Variants in COL7A1 observed in about 807,000 individuals in gnomAD.
The protein encoded by COL7A1 is collagen type VII alpha 1 chain, also known as collagen alpha-1(VII) chain.
COL7A1 carries 296 observed loss-of-function variants against 456.2 expected under a neutral mutation model. The ratio of observed to expected loss-of-function variants is 0.65; its 90% CI spans 0.59 to 0.71. The LOEUF (loss-of-function observed/expected upper bound fraction) is 0.71, where lower values mean the gene tolerates loss of function less well. COL7A1 is among the 30% of genes least tolerant of loss of function. The probability of loss-of-function intolerance (pLI) is 0.00; values close to 1 mark genes in which losing one functional copy is unlikely to be tolerated. For missense variants in COL7A1, 3,441 were observed against 4,017.2 expected, an observed-to-expected ratio of 0.86 and a Z score of 3.88; for synonymous variants, 1,464 against 1,525.9, an observed-to-expected ratio of 0.96 and a Z score of 0.95.
chr3:48,572,291 G>T lies in COL7A1; in HGVS notation c.6978+89C>A. ...ACTATGAAAGCTGAGGGTCATGAGG[G>T]TGGGTAAACTATGGGTCGAAGGTCA... On this transcript the variant is annotated intron_variant, in intron 90 of 118. Coordinates refer to ENST00000681320, the MANE Select transcript of COL7A1 (RefSeq NM_000094.4). The surrounding 1 kb of genome is among the most constrained non-coding windows in gnomAD (Gnocchi z 4.6). The T allele has an allele frequency of 6.2e-7, 1 of 1,611,514 alleles. No individual in the cohort carries two copies. Among genetic ancestry groups the T allele is most frequent in the South Asian group, 1.1e-5 (1 of 91,024 alleles).
rs765667654 is a variant in COL7A1 at position 48,573,825 on chromosome 3, C to G, written c.6537+30G>C. 2 of 1,613,996 alleles carry G rather than the reference C, an allele frequency of 1.2e-6. No individual in the cohort carries two copies. The highest frequency in any genetic ancestry group is 1.7e-6 in the Non-Finnish European group (2 of 1,179,988). ...ACTGGGGCAGGGCACAGGATGGGGG[C>G]AAGACAGGTGAAGGTTCTTGGGTAC... On this transcript the variant is annotated intron_variant, in intron 81 of 118. Coordinates refer to ENST00000681320, the MANE Select transcript of COL7A1 (RefSeq NM_000094.4). This position sits in a 1 kb window ranked among gnomAD's most constrained non-coding sequence, Gnocchi z 5.5.
chr3:48,578,323 T>C lies in COL7A1; in HGVS notation c.5530A>G (p.Asn1844Asp), dbSNP rs1464839884. 5 of 1,612,568 alleles carry C rather than the reference T, an allele frequency of 3.1e-6. No homozygotes were observed. The Admixed American group carries it at 8.3e-5, about 27-fold the overall frequency. Residue 1844 changes from asparagine to aspartate, a missense_variant and splice_region_variant, in exon 65 of 119, where the codon AAC (asparagine) becomes GAC (aspartate). Physicochemically the swap from Asn to Asp is conservative, Grantham distance 23. Around this residue, in one of 3 missense-constraint regions of COL7A1, gnomAD observed 2,084 missense variants for 2,501.3 expected, o/e 0.83. Transcript: ENST00000681320. The surrounding 1 kb of genome is among the most constrained non-coding windows in gnomAD (Gnocchi z 4.7). ...EDGKPGLNGK[N>D]GEPGDPGEDG... ...GCAGCTGCCCTGGACACACTCACGT[T>C]TTTTCCATTCAGGCCAGGTTTGCCA...
rs1312766377 is a variant in COL7A1, at chr3:48,574,520, C to T, written c.6424G>A (p.Glu2142Lys). 1 of 1,613,948 alleles carries T rather than the reference C, an allele frequency of 6.2e-7. No individual in the cohort carries two copies. Among genetic ancestry groups the T allele is most frequent in the African/African-American group, 1.3e-5 (1 of 74,930 alleles). The change falls in exon 79 of 119, where the codon GAG (glutamate) becomes AAG (lysine). Residue 2142 changes from glutamate (E) to lysine (K), a missense_variant. Glu to Lys is a moderately conservative substitution (Grantham distance 56). Coordinates refer to ENST00000681320, the MANE Select transcript of COL7A1 (RefSeq NM_000094.4). The surrounding 1 kb of genome is among the most constrained non-coding windows in gnomAD (Gnocchi z 5.0). ...CCGTCCTGACCCCTCGGTCCAGGCT[C>T]TCCCCGGTCTCCTTTGATGCCTGGC... is the stretch of plus-strand genomic sequence containing the variant. ...GVPGIKGDRG[E>K]PGPRGQDGNP...
chr3:48,595,235 C>A, intron 1 of COL7A1, 33 bp downstream of exon 1: 4 of 1,257,804 alleles, frequency 3.2e-6, no homozygotes, highest in Non-Finnish European at 3.4e-6. Flanking sequence ...AGGTCCGAGC[C>A]CAGCGCCCCT....
Position 48,571,932 on chromosome 3 carries a change from G to T in COL7A1, c.7068+69C>A. On this transcript the variant is annotated intron_variant, in intron 92 of 118. Coordinates refer to ENST00000681320, the MANE Select transcript of COL7A1 (RefSeq NM_000094.4). The surrounding 1 kb of genome is among the most constrained non-coding windows in gnomAD (Gnocchi z 4.6). Reference sequence around the variant, plus strand: ...GGCTCAGACATGTGCCCCGGCCCAAGAGTGGCCCCTTATGCCCGCCATCAC... The same window carrying T: ...GGCTCAGACATGTGCCCCGGCCCAATAGTGGCCCCTTATGCCCGCCATCAC... The T allele has an allele frequency of 1.3e-6, 2 of 1,575,866 alleles. No individual in the cohort carries two copies. The highest frequency in any genetic ancestry group is 1.1e-5 in the South Asian group (1 of 87,734).
At chr3:48,595,222 G>A (rs2046000604) in intron 1 of COL7A1, 46 bp downstream of exon 1, 1 of 1,416,598 alleles carries the variant, frequency 7.1e-7, no homozygotes, top group Admixed American at 2.0e-5. Context: ...CCGTGGCCTT[G>A]GCAGGTCCGA....
Position 48,580,917 on chromosome 3 carries a change from C to A in COL7A1, c.4945G>T (p.Gly1649Cys). The change falls in exon 54 of 119, where the codon GGT becomes TGT. Residue 1649 changes from glycine (G) to cysteine (C), a missense_variant. By Grantham distance (159) the Gly-to-Cys change is radical. Transcript: ENST00000681320. The surrounding 1 kb of genome is among the most constrained non-coding windows in gnomAD (Gnocchi z 4.5). ...KGDEGPPGDPGLPGKAGERGL... is the reference protein window; with the variant it reads ...KGDEGPPGDPCLPGKAGERGL... ...CGCTCGCCTGCTTTTCCAGGCAAAC[C>A]CGGGTCACCCTGGTGATAGAGAGAA... The A allele has an allele frequency of 6.2e-7, 1 of 1,614,078 alleles. No homozygotes were observed. The highest frequency in any genetic ancestry group is 1.1e-5 in the South Asian group (1 of 91,072).
chr3:48,571,379 G>T lies in COL7A1; in HGVS notation c.7069-101C>A. 1 of 1,405,144 alleles carries T rather than the reference G, an allele frequency of 7.1e-7. No individual in the cohort carries two copies. Among genetic ancestry groups the T allele is most frequent in the Non-Finnish European group, 1.0e-6 (1 of 1,000,114 alleles). 87.0% of individuals were successfully genotyped at this position (1,405,144 alleles called of 1,614,324 possible). A position where few individuals can be genotyped will look rare whatever the true frequency, so the allele number is the denominator to read the frequency against. The stretch of plus-strand genomic sequence containing the variant: ...CCCAGGGGAGTTCTGATGTGACCAT[G>T]AACACATGGGAACTCAGACATGCGA... On this transcript the variant is annotated intron_variant, in intron 92 of 118. Transcript: ENST00000681320. The surrounding 1 kb of genome is among the most constrained non-coding windows in gnomAD (Gnocchi z 4.6).
chr3:48,595,192 C>T (rs1364887089), intron 1 of COL7A1, 32 bp from the exon 2 acceptor site: 15 of 1,530,536 alleles, frequency 9.8e-6, no homozygotes, highest in Admixed American at 2.0e-5. Flanking sequence ...CTAGGACCCC[C>T]GCCTCTGTCC....
Position 48,572,696 on chromosome 3 carries a change from G to C in COL7A1, c.6875C>G (p.Pro2292Arg), listed in dbSNP as rs898837956. ...CTGTCCAGGGGCCCCCGTGGGGCCA[G>C]GTTCTCCTTTAGGTCCGACAGGGCC... ...LPGPVGPKGE[P>R]GPTGAPGQAV... Residue 2292 changes from proline (P) to arginine (R), a missense_variant, in exon 88 of 119, where the codon CCT becomes CGT. Coordinates refer to ENST00000681320, the MANE Select transcript of COL7A1 (RefSeq NM_000094.4). This position sits in a 1 kb window ranked among gnomAD's most constrained non-coding sequence, Gnocchi z 4.6. The C allele has an allele frequency of 1.9e-6, 3 of 1,607,616 alleles. No homozygotes were observed. Among genetic ancestry groups the C allele is most frequent in the Non-Finnish European group, 8.5e-7 (1 of 1,177,142 alleles).
chr3:48,564,125 C>T lies in COL7A1; in HGVS notation c.*281G>A. On this transcript the variant is annotated 3_prime_UTR_variant, in exon 119 of 119. Transcript: ENST00000681320. The surrounding 1 kb of genome is among the most constrained non-coding windows in gnomAD (Gnocchi z 6.0). Reference sequence around the variant, plus strand: ...CCCCAGAATCAGCACCATGTCATCACAGGCTTGGGTCAAGGGGCGGGTCAG... The same window carrying T: ...CCCCAGAATCAGCACCATGTCATCATAGGCTTGGGTCAAGGGGCGGGTCAG... The T allele has an allele frequency of 1.8e-6, 1 of 548,368 alleles. No individual in the cohort carries two copies. Among genetic ancestry groups the T allele is most frequent in the Admixed American group, 3.0e-5 (1 of 33,660 alleles). 34.0% of individuals were successfully genotyped at this position (548,368 alleles called of 1,614,324 possible). A position where few individuals can be genotyped will look rare whatever the true frequency, so the allele number is the denominator to read the frequency against.
chr3:48,579,186 C>T lies in COL7A1; in HGVS notation c.5388+11G>A. On this transcript the variant is annotated intron_variant, in intron 62 of 118. Coordinates refer to ENST00000681320, the MANE Select transcript of COL7A1 (RefSeq NM_000094.4). This position sits in a 1 kb window ranked among gnomAD's most constrained non-coding sequence, Gnocchi z 4.4. The stretch of plus-strand genomic sequence containing the variant: ...GGAAGGGGACAACCAGGCAGGACTA[C>T]CAAGACTCACATTCGGCCCAGAGGG... 4 of 1,612,984 alleles carry T rather than the reference C, an allele frequency of 2.5e-6. No individual in the cohort carries two copies. The highest frequency in any genetic ancestry group is 2.5e-6 in the Non-Finnish European group (3 of 1,179,972).
rs372918810 is a variant in COL7A1 at position 48,593,553 on chromosome 3, C to T, written c.410G>A (p.Arg137Gln). 6.2e-5 allele frequency: 100 copies of T among 1,614,148 alleles called. 2 individuals carry two copies. The South Asian group carries it at 7.5e-4, about 12-fold the overall frequency. Reference sequence around the variant, plus strand: ...AGGGATCACCTTGGGGACACCAGGTCGGGCCAGCTGGGGCAGGAAGACATG... The same window carrying T: ...AGGGATCACCTTGGGGACACCAGGTTGGGCCAGCTGGGGCAGGAAGACATG... ...ADHVFLPQLARPGVPKVCILI... is the reference protein window; with the variant it reads ...ADHVFLPQLAQPGVPKVCILI... Residue 137 changes from arginine (R) to glutamine (Q), a missense_variant, in exon 4 of 119, where the codon CGA (arginine) becomes CAA (glutamine). This residue lies in a region of COL7A1 where 913 missense variants were observed against 1,088.2 expected (regional missense o/e 0.84). Coordinates refer to ENST00000681320, the MANE Select transcript of COL7A1 (RefSeq NM_000094.4). This position sits in a 1 kb window ranked among gnomAD's most constrained non-coding sequence, Gnocchi z 4.4.
At chr3:48,584,173 G>A in intron 37 of COL7A1, 112 bp from the exon 38 acceptor site, 2 of 1,584,438 alleles carry the variant, frequency 1.3e-6, no homozygotes, top group Middle Eastern at 1.7e-4. Flanking sequence ...TGGGAGAACT[G>A]AGGCGTCATG....
chr3:48,574,199 A>G lies in COL7A1; in HGVS notation c.6501+63T>C. The G allele has an allele frequency of 1.3e-6, 2 of 1,561,458 alleles. No individual in the cohort carries two copies. Among genetic ancestry groups the G allele is most frequent in the Non-Finnish European group, 1.8e-6 (2 of 1,134,638 alleles). On this transcript the variant is annotated intron_variant, in intron 80 of 118. Coordinates refer to ENST00000681320, the MANE Select transcript of COL7A1 (RefSeq NM_000094.4). The surrounding 1 kb of genome is among the most constrained non-coding windows in gnomAD (Gnocchi z 5.0). The stretch of plus-strand genomic sequence containing the variant: ...CACACACACAGACATGCACACACAC[A>G]GCAGCAGCAGCACCTAGCGGAGGGT...
At position 48,568,552 on chromosome 3, in the gene COL7A1, G is replaced by T. The variant is rs556896749; in HGVS notation, c.7759-18C>A. 6.2e-7 allele frequency: 1 copy of T among 1,606,054 alleles called. No homozygotes were observed. The highest frequency in any genetic ancestry group is 8.5e-7 in the Non-Finnish European group (1 of 1,174,468). Reference sequence around the variant, plus strand: ...GGTTGACCCTGTGAGAAACACAGATGGGGGAGCCCTTCAGTGGGACTGTCC... The same window carrying T: ...GGTTGACCCTGTGAGAAACACAGATTGGGGAGCCCTTCAGTGGGACTGTCC... On this transcript the variant is annotated intron_variant, in intron 104 of 118. Transcript: ENST00000681320. This position sits in a 1 kb window ranked among gnomAD's most constrained non-coding sequence, Gnocchi z 5.2.
rs748272722 is a variant in COL7A1 at position 48,586,239 on chromosome 3, A to G, written c.3558T>C (p.Asn1186=). Reference sequence around the variant, plus strand: ...CTCCAGCCATTCCCAACATCACCACATTAAGCCCTAAGGTGGGGTCCAGTG... The same window carrying G: ...CTCCAGCCATTCCCAACATCACCACGTTAAGCCCTAAGGTGGGGTCCAGTG... ...PIREAQASGL[N]VVMLGMAGAD... The change falls in exon 28 of 119, where the codon AAT becomes AAC. Residue 1186 remains asparagine (N), a synonymous_variant. Transcript: ENST00000681320. This position sits in a 1 kb window ranked among gnomAD's most constrained non-coding sequence, Gnocchi z 5.1. 6.2e-7 allele frequency: 1 copy of G among 1,613,654 alleles called. No homozygotes were observed. The highest frequency in any genetic ancestry group is 1.1e-5 in the South Asian group (1 of 91,082).
chr3:48,568,179 G>C lies in COL7A1; in HGVS notation c.7795-9C>G, dbSNP rs763339609. 20 of 1,612,346 alleles carry C rather than the reference G, an allele frequency of 1.2e-5. No homozygotes were observed. The highest frequency in any genetic ancestry group is 1.6e-5 in the Non-Finnish European group (19 of 1,180,006). ...TCCTTTCCTGGGGATCCCTAGCAGGGAGAGGGTCCATGTGAGGTCAGAGGA... is the reference window on the plus strand; with the variant it reads ...TCCTTTCCTGGGGATCCCTAGCAGGCAGAGGGTCCATGTGAGGTCAGAGGA... On this transcript the variant is annotated splice_polypyrimidine_tract_variant and intron_variant, in intron 105 of 118. Coordinates refer to ENST00000681320, the MANE Select transcript of COL7A1 (RefSeq NM_000094.4). The surrounding 1 kb of genome is among the most constrained non-coding windows in gnomAD (Gnocchi z 5.2).
chr3:48,570,674 C>T lies in COL7A1; in HGVS notation c.7309G>A (p.Gly2437Arg), dbSNP rs867398712. The T allele has an allele frequency of 3.8e-6, 6 of 1,591,620 alleles. No individual in the cohort carries two copies. The highest frequency in any genetic ancestry group is 5.1e-6 in the Non-Finnish European group (6 of 1,168,088). ...AGPPGREGIP[G>R]PLGPPGPPGS... ...GGTGGTCCAGGTGGCCCCAGGGGTC[C>T]TGGGATTCCTTCTCTCCCTGGGGGG... Residue 2437 changes from glycine to arginine, a missense_variant, in exon 96 of 119, where the codon GGA becomes AGA. This residue lies in a region of COL7A1 where 2,084 missense variants were observed against 2,501.3 expected (regional missense o/e 0.83). Transcript: ENST00000681320. This position sits in a 1 kb window ranked among gnomAD's most constrained non-coding sequence, Gnocchi z 5.5.
Sources: allele counts gnomAD v4.1 joint callset, GRCh38; gene constraint gnomAD v4.1.1; regional missense constraint gnomAD v4.1.1; non-coding constraint Gnocchi (gnomAD v3.1); transcripts MANE v1.5; gene names NCBI Gene and HGNC (gene_info 2026-07-23, HGNC 2026-07-21).